VPS45: variants seen among roughly 807,000 people sequenced by gnomAD.
VPS45 encodes vacuolar protein sorting 45 homolog.
In VPS45, 35 loss-of-function variants were observed where a neutral mutation model predicts 75.9. The observed-to-expected ratio is 0.46, with a 90% CI of 0.35 to 0.61. The LOEUF (loss-of-function observed/expected upper bound fraction) is 0.61. Among genes scored for constraint, VPS45 ranks in the 20% least tolerant of loss-of-function variants. The pLI, the probability that VPS45 is intolerant of heterozygous loss-of-function variation, is 0.00. For synonymous variants in VPS45, 220 were observed against 238.2 expected (o/e 0.92, Z 0.70); for missense variants, 559 against 685.9 (o/e 0.81, Z 2.07).
intron 14 of VPS45, among the ~76,000 whole-genome samples, chr1:150,124,803 C>T (rs969448257): frequency 7.9e-5 from 12 of 151,590 alleles, no homozygotes; most frequent in Admixed American, 2.0e-4. Flanking sequence ...AAGTAATCCG[C>T]CTGCCTTGTC....
At chr1:150,134,623 C>G (rs1028637724) in intron 14 of VPS45, among the ~76,000 whole-genome samples, 1 of 152,146 alleles carries the variant, frequency 6.6e-6, no homozygotes, top group African/African-American at 2.4e-5. Context: ...CTAAATAACA[C>G]ATTGTTTAGT....
At chr1:150,099,045 T>C (rs1381321399) in intron 13 of VPS45, 33 of 1,102,304 alleles carry the variant, frequency 3.0e-5, no homozygotes, top group African/African-American at 8.4e-5. Flanking sequence ...TTGGCCTTTT[T>C]TCCTGCAGTA....
At chr1:150,140,298 A>G (rs940097848) in intron 14 of VPS45, among the ~76,000 whole-genome samples, 2 of 152,150 alleles carry the variant, frequency 1.3e-5, no homozygotes, top group Non-Finnish European at 2.9e-5. Flanking sequence ...TTCATCTAAC[A>G]TATTACAAAG....
intron 14 of VPS45, among the ~76,000 whole-genome samples, chr1:150,129,285 A>C (rs1045666726): frequency 2.0e-5 from 3 of 152,228 alleles, no homozygotes; most frequent in Non-Finnish European, 4.4e-5. Context: ...CCAGGATTCA[A>C]ATTTAGGCAT....
intron 14 of VPS45, among the ~76,000 whole-genome samples, chr1:150,135,158 T>G (rs949665429): frequency 6.6e-6 from 1 of 152,220 alleles, no homozygotes; most frequent in Non-Finnish European, 1.5e-5. Context: ...GGGGTAGAAT[T>G]AAATAATTTA....
At chr1:150,117,192 C>G (rs1657983793) in intron 14 of VPS45, among the ~76,000 whole-genome samples, 1 of 147,280 alleles carries the variant, frequency 6.8e-6, no homozygotes, top group Non-Finnish European at 1.5e-5. Context: ...CAGAGGGCGA[C>G]TCCGTCTCAA....
rs2101519623 is a variant in VPS45, at chr1:150,077,160, C to G, written c.505C>G (p.Leu169Val). The change falls in exon 6 of 15, where the codon CTG becomes GTG. Residue 169 changes from leucine (L) to valine (V), a missense_variant. Leu to Val is a conservative substitution (Grantham distance 32). Transcript: ENST00000644510. ...AGGGCTTACAGCTCTCCTTTTATCT[C>G]TGAAGAAGTGTCCCATGATTCGTTA... The part of the protein sequence containing the change: ...TQGLTALLLS[L>V]KKCPMIRYQL... 1 of 1,614,132 alleles carries G rather than the reference C, an allele frequency of 6.2e-7. No homozygotes were observed. The highest frequency in any genetic ancestry group is 2.2e-5 in the East Asian group (1 of 44,872).
At chr1:150,111,357 CAAAG>C (rs1306432158) in intron 14 of VPS45, among the ~76,000 whole-genome samples, 1 of 152,118 alleles carries the variant, frequency 6.6e-6, no homozygotes, top group Admixed American at 6.5e-5. Flanking sequence ...CATACATACA[CAAAG>C]AACAGCAAAT....
rs117869485 is a variant in VPS45 at position 150,135,541 on chromosome 1, C to T, written c.1626-9168C>T. ...TCGGCCTCCCAAAGTGCTGGGATAA[C>T]AGGCATGAGTCACTGGGCCTGGCCA... On this transcript the variant is annotated intron_variant, in intron 14 of 14. Transcript: ENST00000644510. 2.2e-4 allele frequency among the ~76,000 whole-genome samples: 33 copies of T among 152,140 alleles called. No homozygotes were observed. In the East Asian group the frequency reaches 3.3e-3, roughly 15 times the overall value.
At chr1:150,077,422 C>A in intron 6 of VPS45, 191 bp downstream of exon 6, 1 of 825,582 alleles carries the variant, frequency 1.2e-6, no homozygotes, top group Non-Finnish European at 1.8e-6. Flanking sequence ...AGGTTTAACC[C>A]AAGAAACATT....
At position 150,132,336 on chromosome 1, in the gene VPS45, CATGCTT is replaced by C. The variant is rs1238774452; in HGVS notation, c.1626-12371_1626-12366del. Among the ~76,000 whole-genome samples the C allele has an allele frequency of 1.2e-4, 19 of 152,292 alleles. 1 individual carries two copies. In the East Asian group the frequency reaches 3.7e-3, roughly 29 times the overall value. On this transcript the variant is annotated intron_variant, in intron 14 of 14. Transcript: ENST00000644510. ...TTAAAAATGTAAGGAAAAACTCAAACATGCTTAACTCTGTATAGTGAGACAGAAGTG... is the reference window on the plus strand; with the variant it reads ...TTAAAAATGTAAGGAAAAACTCAAACAACTCTGTATAGTGAGACAGAAGTG...
intron 14 of VPS45, among the ~76,000 whole-genome samples, chr1:150,130,837 T>C (rs782301244): frequency 4.6e-5 from 7 of 152,244 alleles, no homozygotes; most frequent in Non-Finnish European, 7.3e-5. Context: ...ATATATACTA[T>C]GTGCCAGGCA....
At chr1:150,076,700 T>C (rs1553798151) in intron 4 of VPS45, 3 of 600,670 alleles carry the variant, frequency 5.0e-6, no homozygotes, top group Admixed American at 3.1e-5. Flanking sequence ...TTACAACCTT[T>C]ATTTGTTAGA....
Position 150,144,924 on chromosome 1 carries a change from C to T in VPS45, c.*128C>T, listed in dbSNP as rs1460849269. On this transcript the variant is annotated 3_prime_UTR_variant, in exon 15 of 15. Coordinates refer to ENST00000644510, the MANE Select transcript of VPS45 (RefSeq NM_007259.5). ...TGTTAGAACTCATCTCCAGGTAGCCCACGGATACGTGGTTGGCACAGACAC... is the reference window on the plus strand; with the variant it reads ...TGTTAGAACTCATCTCCAGGTAGCCTACGGATACGTGGTTGGCACAGACAC... 4 of 1,547,720 alleles carry T rather than the reference C, an allele frequency of 2.6e-6. No homozygotes were observed. In the African/African-American group the frequency reaches 5.4e-5, roughly 21 times the overall value.
At position 150,092,052 on chromosome 1, in the gene VPS45, T is replaced by A; in HGVS notation, c.1220T>A (p.Met407Lys). 6.2e-7 allele frequency: 1 copy of A among 1,614,144 alleles called. No individual in the cohort carries two copies. The highest frequency in any genetic ancestry group is 8.5e-7 in the Non-Finnish European group (1 of 1,179,994). The change falls in exon 11 of 15, where the codon ATG (methionine) becomes AAG (lysine). Residue 407 changes from methionine (M) to lysine (K), a missense_variant. By Grantham distance (95) the Met-to-Lys change is moderately conservative (BLOSUM62 -1). Transcript: ENST00000644510. ...RHSSNSLPGL[M>K]MDLRNKGVSE... ...AGCAGCAATAGCCTGCCAGGACTAA[T>A]GATGGACCTCAGGAATAAAGGTGTT...
At chr1:150,114,225 C>T (rs1336953700) in intron 14 of VPS45, among the ~76,000 whole-genome samples, 6 of 152,006 alleles carry the variant, frequency 3.9e-5, no homozygotes, top group East Asian at 1.9e-4. Flanking sequence ...GTACTCCCAG[C>T]GCTTTGGGAG....
At position 150,092,354 on chromosome 1, in the gene VPS45, T is replaced by C. The variant is rs1656374995; in HGVS notation, c.1316T>C (p.Leu439Pro). 6.2e-7 allele frequency: 1 copy of C among 1,614,052 alleles called. No individual in the cohort carries two copies. The highest frequency in any genetic ancestry group is 8.5e-7 in the Non-Finnish European group (1 of 1,180,032). The part of the protein sequence containing the change: ...YGGKRVRGSD[L>P]FSPKDAVAIT... Reference sequence around the variant, plus strand: ...GGTAAACGAGTCAGAGGAAGTGACCTCTTCAGCCCCAAAGATGCTGTGGCT... The same window carrying C: ...GGTAAACGAGTCAGAGGAAGTGACCCCTTCAGCCCCAAAGATGCTGTGGCT... The change falls in exon 12 of 15, where the codon CTC becomes CCC. Residue 439 changes from leucine to proline, a missense_variant. Physicochemically the swap from Leu to Pro is moderately conservative, Grantham distance 98. Coordinates refer to ENST00000644510, the MANE Select transcript of VPS45 (RefSeq NM_007259.5).
intron 3 of VPS45, among the ~76,000 whole-genome samples, chr1:150,073,341 C>T (rs912181183): frequency 1.4e-4 from 22 of 151,954 alleles, no homozygotes; most frequent in Admixed American, 1.4e-3. Flanking sequence ...CTTTCTTCAG[C>T]GTATACTACT....
At chr1:150,079,548 A>G (rs587636365) in intron 7 of VPS45, among the ~76,000 whole-genome samples, 2 of 152,200 alleles carry the variant, frequency 1.3e-5, no homozygotes, top group East Asian at 1.9e-4. Flanking sequence ...TCACAGGTGC[A>G]CACCCCCACA....
Sources: allele counts gnomAD v4.1 joint callset (sites outside exome capture counted in the v4.1 genomes callset), GRCh38; gene constraint gnomAD v4.1.1; transcripts MANE v1.5; gene names NCBI Gene and HGNC (gene_info 2026-07-23, HGNC 2026-07-21).